The following R3HDM2 variants were observed in gnomAD, a reference collection of about 807,000 sequenced individuals.
R3HDM2 encodes R3H domain containing 2.
A neutral mutation model predicts 124.5 loss-of-function variants in R3HDM2; 38 were observed. The observed-to-expected ratio is 0.31, with a 90% confidence interval of 0.24 to 0.40. The LOEUF is 0.40. R3HDM2 is among the 10% of genes least tolerant of loss of function. The pLI is 1.00. For missense variants in R3HDM2, 869 were observed against 1,236.9 expected, an observed-to-expected ratio of 0.70 and a Z score of 4.46; for synonymous variants, 391 against 448.0, an observed-to-expected ratio of 0.87 and a Z score of 1.61.
chr12:57,315,120 T>A (rs2054743473), intron 2 of R3HDM2, among the ~76,000 whole-genome samples: 1 of 151,986 alleles, frequency 6.6e-6, no homozygotes, highest in Non-Finnish European at 1.5e-5. Flanking sequence ...TCACTGCAAC[T>A]TCTGCTTCCC....
chr12:57,337,184 G>A (rs989162928), intron 2 of R3HDM2, among the ~76,000 whole-genome samples: 7 of 151,896 alleles, frequency 4.6e-5, no homozygotes, highest in African/African-American at 1.2e-4. Flanking sequence ...ACAGGGTCTC[G>A]CTCTGTTGCC....
In R3HDM2 at chr12:57,392,431, C is replaced by T. The variant is rs1052769115; in HGVS notation, c.-36+3318G>A. 9.9e-5 allele frequency among the ~76,000 whole-genome samples: 15 copies of T among 152,144 alleles called. 2 individuals are homozygous for T. ...ACAGTTCACAATAGAGTTCACACTC[C>T]TATGAGAATCTAATGCCACTGCTGA... On this transcript the variant is annotated intron_variant, in intron 2 of 23. Coordinates refer to ENST00000402412, the MANE Select transcript of R3HDM2 (RefSeq NM_001394031.1).
intron 1 of R3HDM2, among the ~76,000 whole-genome samples, chr12:57,409,649 G>A (rs941371266): frequency 2.0e-5 from 3 of 152,028 alleles, no homozygotes; most frequent in Non-Finnish European, 2.9e-5. Context: ...TGGTCTACTG[G>A]AGTACCTACA....
At chr12:57,335,899 AAAAC>A (rs1301883826) in intron 2 of R3HDM2, among the ~76,000 whole-genome samples, 9 of 152,196 alleles carry the variant, frequency 5.9e-5, no homozygotes, top group East Asian at 1.9e-4. Flanking sequence ...GTACAAGAGA[AAAAC>A]AAACAACCCC....
chr12:57,407,796 G>A (rs542937125), intron 1 of R3HDM2, among the ~76,000 whole-genome samples: 1 of 151,724 alleles, frequency 6.6e-6, no homozygotes, highest in Non-Finnish European at 1.5e-5. Context: ...AAAGGGTCTC[G>A]CTCTGTTACC....
chr12:57,351,391 TA>T (rs1593738920), intron 2 of R3HDM2, among the ~76,000 whole-genome samples: 1 of 152,130 alleles, frequency 6.6e-6, no homozygotes, highest in East Asian at 1.9e-4. Flanking sequence ...TAATTAAGAC[TA>T]AAAAAACAAT....
intron 2 of R3HDM2, among the ~76,000 whole-genome samples, chr12:57,338,043 C>A (rs2059090354): frequency 6.6e-6 from 1 of 152,208 alleles, no homozygotes; most frequent in South Asian, 2.1e-4. Flanking sequence ...GTGGCTCACG[C>A]CTGTAATCTC....
intron 14 of R3HDM2, among the ~76,000 whole-genome samples, chr12:57,270,532 C>T (rs1236241835): frequency 4.6e-5 from 7 of 152,134 alleles, no homozygotes; most frequent in Non-Finnish European, 7.4e-5. Flanking sequence ...CAGGTTCAAG[C>T]AATTCTCCTG....
At chr12:57,375,907 C>T (rs1214827220) in intron 2 of R3HDM2, among the ~76,000 whole-genome samples, 5 of 152,002 alleles carry the variant, frequency 3.3e-5, no homozygotes, top group Admixed American at 6.6e-5. Flanking sequence ...CTCCTGACCT[C>T]GTGATCCACC....
At chr12:57,282,999 G>T (rs1268867663) in intron 13 of R3HDM2, among the ~76,000 whole-genome samples, 1 of 152,194 alleles carries the variant, frequency 6.6e-6, no homozygotes, top group Non-Finnish European at 1.5e-5. Flanking sequence ...GAGAGCTGAT[G>T]GGTGGTTACA....
intron 2 of R3HDM2, among the ~76,000 whole-genome samples, chr12:57,333,671 G>C (rs1243492227): frequency 1.3e-5 from 2 of 151,876 alleles, no homozygotes; most frequent in Non-Finnish European, 2.9e-5. Context: ...TGGGTGACAA[G>C]AGCGAAACTC....
intron 2 of R3HDM2, among the ~76,000 whole-genome samples, chr12:57,349,187 T>C (rs2060391296): frequency 6.6e-6 from 1 of 151,528 alleles, no homozygotes; most frequent in Non-Finnish European, 1.5e-5. Flanking sequence ...GAGACCATCC[T>C]GGCTAACACG....
intron 23 of R3HDM2, 27 bp from the exon 24 acceptor site, chr12:57,255,140 T>G: frequency 6.5e-7 from 1 of 1,542,150 alleles, no homozygotes; most frequent in South Asian, 1.3e-5. Flanking sequence ...GAGGACATGG[T>G]TGTGAGAGGA....
intron 2 of R3HDM2, 21 bp downstream of exon 2, chr12:57,395,728 A>G (rs2067410895): frequency 1.0e-6 from 1 of 961,584 alleles, no homozygotes; most frequent in African/African-American, 1.8e-5. Flanking sequence ...AAAGTGCTCC[A>G]TAAATGTTAT....
At chr12:57,278,819 C>G (rs1053291045) in intron 14 of R3HDM2, among the ~76,000 whole-genome samples, 10 of 152,194 alleles carry the variant, frequency 6.6e-5, no homozygotes, top group Non-Finnish European at 1.3e-4. Flanking sequence ...TAGATCTTCA[C>G]TGTTCTTTGT....
intron 1 of R3HDM2, among the ~76,000 whole-genome samples, chr12:57,427,398 G>A (rs1353507474): frequency 6.7e-6 from 1 of 148,234 alleles, no homozygotes; most frequent in Admixed American, 6.8e-5. Flanking sequence ...TGCCCAGGCT[G>A]GAGTGCAGTG....
intron 2 of R3HDM2, among the ~76,000 whole-genome samples, chr12:57,385,865 G>C (rs184804357): frequency 2.0e-5 from 3 of 152,152 alleles, no homozygotes; most frequent in Non-Finnish European, 4.4e-5. Context: ...ACCATTTTCA[G>C]AGTAGTAGTA....
At chr12:57,417,699 A>G (rs954412915) in intron 1 of R3HDM2, among the ~76,000 whole-genome samples, 10 of 152,238 alleles carry the variant, frequency 6.6e-5, no homozygotes, top group African/African-American at 2.2e-4. Context: ...CCAAGGACCA[A>G]TAACAGTCCT....
At chr12:57,284,153 G>T in intron 12 of R3HDM2, 97 bp from the exon 13 acceptor site, 1 of 1,146,892 alleles carries the variant, frequency 8.7e-7, no homozygotes, top group Non-Finnish European at 1.2e-6. Context: ...ACAAAGAATG[G>T]GTAAGAATTA....
Sources: allele counts gnomAD v4.1 joint callset (sites outside exome capture counted in the v4.1 genomes callset), GRCh38; gene constraint gnomAD v4.1.1; transcripts MANE v1.5; gene names NCBI Gene and HGNC (gene_info 2026-07-23, HGNC 2026-07-21).